The following NUP205 variants were observed in gnomAD, a reference collection of about 807,000 sequenced individuals.
NUP205 encodes the protein nuclear pore complex protein Nup205.
In NUP205, 76 loss-of-function variants were observed where a neutral mutation model predicts 253.8. The ratio of observed to expected loss-of-function variants is 0.30; its 90% CI spans 0.25 to 0.36. NUP205 has a LOEUF of 0.36. NUP205 is among the 10% of genes least tolerant of loss of function. NUP205 has a pLI of 1.00. For missense variants in NUP205, 2,162 were observed against 2,425.5 expected (o/e 0.89, Z 2.28); for synonymous variants, 832 against 850.1 (o/e 0.98, Z 0.37).
intron 11 of NUP205, among the ~76,000 whole-genome samples, chr7:135,591,896 A>T (rs1056843345): frequency 6.6e-6 from 1 of 152,170 alleles, no homozygotes; most frequent in Non-Finnish European, 1.5e-5. Context: ...AAAAAAGCAT[A>T]TGCCCTTGCC....
At chr7:135,620,983 G>A (rs1353244447) in intron 30 of NUP205, among the ~76,000 whole-genome samples, 2 of 152,206 alleles carry the variant, frequency 1.3e-5, no homozygotes, top group African/African-American at 4.8e-5. Flanking sequence ...ATACTTTATA[G>A]ACATTTGATG....
chr7:135,625,699 T>A (rs766400944), intron 32 of NUP205, among the ~76,000 whole-genome samples: 1 of 152,234 alleles, frequency 6.6e-6, no homozygotes, highest in African/African-American at 2.4e-5. Flanking sequence ...CATGTAGATA[T>A]GCTAGTTCTA....
chr7:135,568,918 T>A (rs59758786), intron 1 of NUP205, among the ~76,000 whole-genome samples: 5,173 of 152,338 alleles, frequency 0.034, 119 homozygotes, highest in Middle Eastern at 0.1. Context: ...TTTGATCTTT[T>A]GAAATTATTT....
At chr7:135,584,142 T>G (rs1806393117) in intron 7 of NUP205, among the ~76,000 whole-genome samples, 1 of 152,184 alleles carries the variant, frequency 6.6e-6, no homozygotes. Flanking sequence ...AGTTGTACAC[T>G]GCAAATACTT....
In NUP205 at chr7:135,587,888, C is replaced by G; in HGVS notation, c.1369C>G (p.Leu457Val). ...GELYKKNPFH[L>V]ELALEYWCPT... Reference sequence around the variant, plus strand: ...GCTATATAAAAAGAACCCTTTTCATCTGGAGCTTGCTCTAGAATATTGGTG... The same window carrying G: ...GCTATATAAAAAGAACCCTTTTCATGTGGAGCTTGCTCTAGAATATTGGTG... Residue 457 changes from leucine (L) to valine (V), a missense_variant, in exon 10 of 43, where the codon CTG (leucine) becomes GTG (valine). Leu to Val is a conservative substitution (Grantham distance 32). Around this residue, in one of 5 missense-constraint regions of NUP205, gnomAD observed 892 missense variants for 957.1 expected, o/e 0.93. Transcript: ENST00000285968. The G allele has an allele frequency of 6.2e-7, 1 of 1,613,832 alleles. No individual in the cohort carries two copies. The highest frequency in any genetic ancestry group is 1.3e-5 in the African/African-American group (1 of 75,008).
At chr7:135,648,279 C>CG (rs2129492776) in intron 42 of NUP205, 125 bp from the exon 43 acceptor site, 1 of 777,536 alleles carries the variant, frequency 1.3e-6, no homozygotes, top group East Asian at 3.3e-5. Flanking sequence ...TACAAAAATT[C>CG]AAAAGTATTT....
intron 33 of NUP205, among the ~76,000 whole-genome samples, chr7:135,627,389 A>C (rs1177593205): frequency 6.6e-6 from 1 of 152,190 alleles, no homozygotes; most frequent in Non-Finnish European, 1.5e-5. Flanking sequence ...TAAATCTCAA[A>C]CTTTCTGAGT....
intron 23 of NUP205, among the ~76,000 whole-genome samples, chr7:135,615,540 TCAAAAC>T (rs1463164841): frequency 6.6e-6 from 1 of 152,210 alleles, no homozygotes; most frequent in African/African-American, 2.4e-5. Flanking sequence ...TTTTGTGAAA[TCAAAAC>T]CAAACTATGA....
In NUP205 at chr7:135,604,321, T is replaced by C. The variant is rs1302903593; in HGVS notation, c.2703-19T>C. The C allele has an allele frequency of 6.3e-7, 1 of 1,579,200 alleles. No individual in the cohort carries two copies. Among genetic ancestry groups the C allele is most frequent in the Admixed American group, 2.0e-5 (1 of 50,164 alleles). ...AAAAATTTTATCACTGTTCCTCAAA[T>C]GTTTTCTTTTCTTTAAAGATACCTA... On this transcript the variant is annotated intron_variant, in intron 18 of 42. Transcript: ENST00000285968.
intron 23 of NUP205, 94 bp from the exon 24 acceptor site, chr7:135,615,822 A>T: frequency 1.4e-6 from 1 of 699,112 alleles, no homozygotes; most frequent in Non-Finnish European, 2.2e-6. Flanking sequence ...TGACTTTGTT[A>T]CATGGGAAAA....
chr7:135,588,887 A>G (rs1344016179), intron 10 of NUP205, among the ~76,000 whole-genome samples: 1 of 151,388 alleles, frequency 6.6e-6, no homozygotes, highest in Non-Finnish European at 1.5e-5. Context: ...GTGCAGAGGC[A>G]AATAAAATGA....
At chr7:135,571,423 A>G (rs954783208) in intron 2 of NUP205, among the ~76,000 whole-genome samples, 176 bp downstream of exon 2, 2 of 151,644 alleles carry the variant, frequency 1.3e-5, no homozygotes, top group African/African-American at 2.4e-5. Flanking sequence ...AAAAAAAAAA[A>G]AAAGACAGGG....
chr7:135,641,810 C>CAAGA (rs562929537), intron 38 of NUP205, among the ~76,000 whole-genome samples: 4 of 150,770 alleles, frequency 2.7e-5, no homozygotes, highest in African/African-American at 9.8e-5. Flanking sequence ...CAAAAAAAAA[C>CAAGA]AAGAAAGAAA....
chr7:135,614,034 A>T, intron 22 of NUP205, 125 bp from the exon 23 acceptor site: 1 of 549,524 alleles, frequency 1.8e-6, no homozygotes. Context: ...CTGTTTGTCC[A>T]TTTTACTTGA....
At position 135,641,658 on chromosome 7, in the gene NUP205, G is replaced by C. The variant is rs1028995553; in HGVS notation, c.5393-1534G>C. Reference sequence around the variant, plus strand: ...GTGGTGGCGTGCACCTTTAATCCTAGCTACTTGGGAGGCTGAGGTGGGAGG... The same window carrying C: ...GTGGTGGCGTGCACCTTTAATCCTACCTACTTGGGAGGCTGAGGTGGGAGG... On this transcript the variant is annotated intron_variant, in intron 38 of 42. Transcript: ENST00000285968. Among the ~76,000 whole-genome samples, 9 of 126,666 alleles carry C rather than the reference G, an allele frequency of 7.1e-5. 1 individual carries two copies. The highest frequency in any genetic ancestry group is 2.6e-4 in the African/African-American group (9 of 34,566). The allele number at this position is 126,666 out of a possible 152,430, so 83.1% of individuals were successfully genotyped here.
At chr7:135,618,727 G>A (rs1177114361) in intron 28 of NUP205, 124 bp downstream of exon 28, 7 of 753,132 alleles carry the variant, frequency 9.3e-6, no homozygotes, top group Middle Eastern at 3.7e-4. Flanking sequence ...CAATACCAAC[G>A]TTAAGACTTT....
At position 135,601,497 on chromosome 7, in the gene NUP205, C is replaced by A. The variant is rs1220547743; in HGVS notation, c.2502C>A (p.Ala834=). 6.2e-7 allele frequency: 1 copy of A among 1,613,006 alleles called. No homozygotes were observed. The highest frequency in any genetic ancestry group is 1.1e-5 in the South Asian group (1 of 90,882). The change falls in exon 17 of 43, where the codon GCC becomes GCA. Residue 834 remains alanine, a synonymous_variant. Transcript: ENST00000285968. ...EEGVKQLDTY[A]PFPGKKHLEK... ...GAGTTAAGCAGCTTGACACCTATGC[C>A]CCCTTTCCTGGTATATGCTTAAAAG...
At chr7:135,572,276 G>C (rs773880567) in intron 2 of NUP205, among the ~76,000 whole-genome samples, 3 of 152,136 alleles carry the variant, frequency 2.0e-5, no homozygotes, top group African/African-American at 7.2e-5. Flanking sequence ...AAGAAATTTA[G>C]TATATTCCAG....
chr7:135,646,335 G>A (rs1795009811), intron 42 of NUP205, 104 bp downstream of exon 42: 3 of 816,966 alleles, frequency 3.7e-6, no homozygotes, highest in Non-Finnish European at 6.1e-6. Context: ...GGCCGAGACG[G>A]GAGGATTGCT....
Sources: gnomAD v4.1 joint callset for allele counts (sites outside exome capture counted in the v4.1 genomes callset) on GRCh38, gnomAD v4.1.1 for gene constraint, gnomAD v4.1.1 regional missense constraint, MANE v1.5 for transcripts, NCBI Gene and HGNC (gene_info 2026-07-23, HGNC 2026-07-21) for gene names.